NR6A1: variants seen among roughly 807,000 people sequenced by gnomAD.
The protein encoded by NR6A1 is retinoic acid receptor-related testis-associated receptor.
A neutral mutation model predicts 59.1 loss-of-function variants in NR6A1; 7 were observed. The ratio of observed to expected loss-of-function variants is 0.12; its 90% confidence interval spans 0.07 to 0.22. The LOEUF is 0.22. NR6A1 is among the 10% of genes least tolerant of loss of function. The pLI, the probability that NR6A1 is intolerant of heterozygous loss-of-function variation, is 1.00. For synonymous variants in NR6A1, 243 were observed against 236.1 expected, an observed-to-expected ratio of 1.03 and a Z score of -0.27; for missense variants, 468 against 611.6, an observed-to-expected ratio of 0.77 and a Z score of 2.48.
At chr9:124,706,300 A>G (rs1839131607) in intron 2 of NR6A1, among the ~76,000 whole-genome samples, 1 of 152,210 alleles carries the variant, frequency 6.6e-6, no homozygotes, top group Non-Finnish European at 1.5e-5. Context: ...TTTTTAAAAA[A>G]TTGAGAAGAA....
intron 2 of NR6A1, among the ~76,000 whole-genome samples, chr9:124,616,826 A>C (rs1278896612): frequency 6.6e-6 from 1 of 152,188 alleles, no homozygotes; most frequent in Non-Finnish European, 1.5e-5. Flanking sequence ...CAAAAAATTA[A>C]AAATAGTGGT....
chr9:124,545,684 C>T (rs541503334), intron 3 of NR6A1, among the ~76,000 whole-genome samples: 1 of 152,292 alleles, frequency 6.6e-6, no homozygotes, highest in Admixed American at 6.5e-5. Context: ...AATACAACAC[C>T]AAATGTATTA....
intron 2 of NR6A1, chr9:124,599,139 C>A: frequency 1.6e-6 from 1 of 644,600 alleles, no homozygotes; most frequent in South Asian, 1.5e-5. Flanking sequence ...AGTTTCGCCC[C>A]CATTTTAAAA....
chr9:124,674,707 C>A (rs921202344), intron 2 of NR6A1, among the ~76,000 whole-genome samples: 1 of 152,000 alleles, frequency 6.6e-6, no homozygotes, highest in African/African-American at 2.4e-5. Flanking sequence ...AAGAGAGGCC[C>A]AATGGAAATA....
chr9:124,681,699 AG>A (rs1281353811), intron 2 of NR6A1, among the ~76,000 whole-genome samples: 1 of 152,142 alleles, frequency 6.6e-6, no homozygotes, highest in African/African-American at 2.4e-5. Flanking sequence ...TGTCACTGTG[AG>A]CTTCACAGGT....
At chr9:124,745,773 G>T (rs1023496167) in intron 1 of NR6A1, among the ~76,000 whole-genome samples, 8 of 151,416 alleles carry the variant, frequency 5.3e-5, no homozygotes, top group African/African-American at 1.9e-4. Context: ...CTGAAGTCAG[G>T]AGTTCAAGAT....
At chr9:124,563,410 T>TAATATA (rs1172583476) in intron 2 of NR6A1, among the ~76,000 whole-genome samples, 4 of 152,234 alleles carry the variant, frequency 2.6e-5, no homozygotes, top group Non-Finnish European at 4.4e-5. Flanking sequence ...TCAGACATAC[T>TAATATA]AATATAAACT....
intron 3 of NR6A1, among the ~76,000 whole-genome samples, chr9:124,550,724 T>C (rs1833754670): frequency 6.6e-6 from 1 of 152,000 alleles, no homozygotes; most frequent in Non-Finnish European, 1.5e-5. Context: ...TTTTTAGAGA[T>C]GGAGTCTCAC....
intron 2 of NR6A1, among the ~76,000 whole-genome samples, chr9:124,556,846 C>G (rs1833943786): frequency 6.6e-6 from 1 of 150,708 alleles, no homozygotes; most frequent in Admixed American, 6.6e-5. Flanking sequence ...TTTGTTACAG[C>G]AGCACAGGAA....
intron 2 of NR6A1, among the ~76,000 whole-genome samples, chr9:124,707,917 A>C (rs1839180315): frequency 6.6e-6 from 1 of 152,150 alleles, no homozygotes; most frequent in Non-Finnish European, 1.5e-5. Flanking sequence ...GAGCACACTC[A>C]CACTTCAGGC....
Position 124,771,263 on chromosome 9 carries a change from C to T in NR6A1, c.-144G>A, listed in dbSNP as rs765024939. 5 of 422,674 alleles carry T rather than the reference C, an allele frequency of 1.2e-5. No homozygotes were observed. The highest frequency in any genetic ancestry group is 1.2e-5 in the Non-Finnish European group (3 of 249,864). The allele number at this position is 422,674 out of a possible 1,614,324, so 26.2% of individuals were successfully genotyped here. On this transcript the variant is annotated 5_prime_UTR_variant, in exon 1 of 10. Transcript: ENST00000487099. ...CGGCTCTCTCTGGGCCCCGAGCCGC[C>T]CGGCTCCGCGCCGCTCCGCGCCCCT...
rs531360936 is a variant in NR6A1 at position 124,602,046 on chromosome 9, A to G, written c.143-47476T>C. ...ATTGTAAAAAGACATTTTTGGGACA[A>G]TCCAGGAAATTTAAATATGTGTAAG... On this transcript the variant is annotated intron_variant, in intron 2 of 9. Coordinates refer to ENST00000487099, the MANE Select transcript of NR6A1 (RefSeq NM_033334.4). 2.0e-5 allele frequency among the ~76,000 whole-genome samples: 3 copies of G among 152,342 alleles called. No homozygotes were observed. In the South Asian group the frequency reaches 6.2e-4, roughly 32 times the overall value.
At chr9:124,763,154 TC>T (rs1328498594) in intron 1 of NR6A1, among the ~76,000 whole-genome samples, 1 of 152,212 alleles carries the variant, frequency 6.6e-6, no homozygotes, top group African/African-American at 2.4e-5. Flanking sequence ...CATGTACTTT[TC>T]CATTTTGTCA....
At chr9:124,727,539 C>A (rs1398776539) in intron 2 of NR6A1, among the ~76,000 whole-genome samples, 1 of 152,106 alleles carries the variant, frequency 6.6e-6, no homozygotes, top group African/African-American at 2.4e-5. Context: ...CAAAGTATAA[C>A]CAAATTAGCC....
At chr9:124,554,715 T>C (rs1414990842) in intron 2 of NR6A1, 145 bp from the exon 3 acceptor site, 7 of 961,584 alleles carry the variant, frequency 7.3e-6, no homozygotes, top group Non-Finnish European at 7.8e-6. Context: ...CGGATCCTTG[T>C]CCCAAGAGTA....
intron 2 of NR6A1, among the ~76,000 whole-genome samples, chr9:124,659,275 AGGGGCGGGAGCGGG>A (rs1005389784): frequency 8.2e-6 from 1 of 121,964 alleles, no homozygotes; most frequent in Non-Finnish European, 1.7e-5. Context: ...AGCCAGCTGC[AGGGGCGGGAGCGGG>A]GGGGCGGGTA....
chr9:124,725,643 C>T (rs1839692086), intron 2 of NR6A1, among the ~76,000 whole-genome samples: 1 of 152,156 alleles, frequency 6.6e-6, no homozygotes, highest in Non-Finnish European at 1.5e-5. Context: ...ACAAGGAAAT[C>T]TGTAATATCC....
At chr9:124,704,692 A>G (rs1252708574) in intron 2 of NR6A1, among the ~76,000 whole-genome samples, 1 of 152,134 alleles carries the variant, frequency 6.6e-6, no homozygotes, top group Admixed American at 6.5e-5. Context: ...AGCTTCAGCT[A>G]CATTTCATAA....
intron 5 of NR6A1, 114 bp downstream of exon 5, chr9:124,539,919 A>G (rs111914774): frequency 8.1e-7 from 1 of 1,230,582 alleles, no homozygotes; most frequent in Non-Finnish European, 1.1e-6. Flanking sequence ...CTGAGGGAGC[A>G]ACAGTACAAT....
Sources: allele counts gnomAD v4.1 joint callset (sites outside exome capture counted in the v4.1 genomes callset), GRCh38; gene constraint gnomAD v4.1.1; transcripts MANE v1.5; gene names NCBI Gene and HGNC (gene_info 2026-07-23, HGNC 2026-07-21).